The following DMRT1 variants were observed in gnomAD, a reference collection of about 807,000 sequenced individuals.
The protein encoded by DMRT1 is doublesex- and mab-3-related transcription factor 1.
Under a neutral mutation model 32.3 loss-of-function variants are expected in DMRT1, and 7 were observed. The ratio of observed to expected loss-of-function variants is 0.22; its 90% CI spans 0.12 to 0.41. The LOEUF (loss-of-function observed/expected upper bound fraction) is 0.41, where lower values mean the gene tolerates loss of function less well. DMRT1 is among the 10% of genes least tolerant of loss of function. The pLI, the probability that DMRT1 is intolerant of heterozygous loss-of-function variation, is 1.00. For synonymous variants in DMRT1, 278 were observed against 206.1 expected, an observed-to-expected ratio of 1.35 and a Z score of -2.99; for missense variants, 625 against 500.5, an observed-to-expected ratio of 1.25 and a Z score of -2.37.
intron 1 of DMRT1, among the ~76,000 whole-genome samples, chr9:846,150 G>C (rs1838894688): frequency 6.6e-6 from 1 of 150,886 alleles, no homozygotes; most frequent in Non-Finnish European, 1.5e-5. Flanking sequence ...CCCTGCCTCA[G>C]CCTCCCGAGT....
At chr9:879,348 G>A (rs886917315) in intron 2 of DMRT1, among the ~76,000 whole-genome samples, 10 of 151,966 alleles carry the variant, frequency 6.6e-5, no homozygotes, top group African/African-American at 9.7e-5. Context: ...CTTAGCATAC[G>A]TAACATACTT....
chr9:930,632 T>C (rs1321807868), intron 4 of DMRT1, among the ~76,000 whole-genome samples: 1 of 151,982 alleles, frequency 6.6e-6, no homozygotes, highest in Non-Finnish European at 1.5e-5. Context: ...ATGGTCTCGA[T>C]CTCCTGACCT....
intron 3 of DMRT1, among the ~76,000 whole-genome samples, chr9:899,512 A>C (rs1438878616): frequency 6.6e-6 from 1 of 152,160 alleles, no homozygotes; most frequent in Non-Finnish European, 1.5e-5. Context: ...GCTGCTTTTA[A>C]TTGCTTCTGG....
intron 2 of DMRT1, among the ~76,000 whole-genome samples, chr9:880,578 T>A (rs1002925920): frequency 2.6e-5 from 4 of 151,538 alleles, no homozygotes; most frequent in African/African-American, 7.3e-5. Flanking sequence ...AATACAAAAT[T>A]GCCTGGGCAT....
intron 2 of DMRT1, among the ~76,000 whole-genome samples, chr9:859,843 G>A (rs1815575448): frequency 1.4e-5 from 2 of 146,098 alleles, no homozygotes; most frequent in African/African-American, 5.3e-5. Flanking sequence ...AGTAATAGCA[G>A]ATTTTCTGAT....
intron 2 of DMRT1, among the ~76,000 whole-genome samples, chr9:855,058 T>C (rs1005720049): frequency 1.3e-5 from 2 of 151,714 alleles, no homozygotes; most frequent in Non-Finnish European, 2.9e-5. Flanking sequence ...TGAGCCACCA[T>C]GCCCGGCCAG....
At chr9:948,077 A>T (rs1294373110) in intron 4 of DMRT1, among the ~76,000 whole-genome samples, 1 of 152,114 alleles carries the variant, frequency 6.6e-6, no homozygotes, top group Non-Finnish European at 1.5e-5. Flanking sequence ...GGAATTGGGT[A>T]ATTACTTATC....
At chr9:926,601 C>G (rs940583924) in intron 4 of DMRT1, among the ~76,000 whole-genome samples, 1 of 151,954 alleles carries the variant, frequency 6.6e-6, no homozygotes, top group Non-Finnish European at 1.5e-5. Flanking sequence ...TTAATTTATT[C>G]TGTAAAAGCT....
chr9:892,443 CA>C (rs1344752478), intron 2 of DMRT1, among the ~76,000 whole-genome samples: 2 of 152,140 alleles, frequency 1.3e-5, no homozygotes, highest in East Asian at 3.9e-4. Context: ...CTGCTCTACA[CA>C]CCCAGGCTCC....
At chr9:900,491 A>G (rs1198701610) in intron 3 of DMRT1, among the ~76,000 whole-genome samples, 2 of 152,086 alleles carry the variant, frequency 1.3e-5, no homozygotes, top group Non-Finnish European at 2.9e-5. Flanking sequence ...GGGTGGCCAG[A>G]GCACTCTCTG....
At chr9:967,422 ACTGT>A (rs568346405) in intron 4 of DMRT1, among the ~76,000 whole-genome samples, 14 of 152,100 alleles carry the variant, frequency 9.2e-5, no homozygotes, top group Non-Finnish European at 2.1e-4. Context: ...TCTCCCATTT[ACTGT>A]CTTTTACTTT....
rs1179734708 is a variant in DMRT1 at position 842,005 on chromosome 9, C to A, written c.167C>A (p.Ser56Tyr). ...GGGGGCAGCAGCAGAGGAGGCGGCT[C>A]CGGCTCCGGGGCGTCGGACCTGGGT... ...SAGGSSRGGG[S>Y]GSGASDLGAG... The change falls in exon 1 of 5, where the codon TCC (serine) becomes TAC (tyrosine). Residue 56 changes from serine to tyrosine, a missense_variant. Transcript: ENST00000382276. 2.6e-6 allele frequency: 4 copies of A among 1,557,904 alleles called. No homozygotes were observed. Among genetic ancestry groups the A allele is most frequent in the Non-Finnish European group, 2.6e-6 (3 of 1,153,264 alleles).
intron 4 of DMRT1, among the ~76,000 whole-genome samples, chr9:948,696 A>G (rs1238064261): frequency 1.3e-5 from 2 of 152,062 alleles, no homozygotes; most frequent in African/African-American, 4.8e-5. Flanking sequence ...GGCAGCAAAC[A>G]GTTGAGTGGC....
chr9:869,602 C>T (rs1014801733), intron 2 of DMRT1, among the ~76,000 whole-genome samples: 8 of 152,140 alleles, frequency 5.3e-5, no homozygotes, highest in African/African-American at 1.9e-4. Context: ...ATCTCGGTTA[C>T]TTGTAAGGCT....
intron 3 of DMRT1, 56 bp from the exon 4 acceptor site, chr9:916,707 A>G (rs1818194801): frequency 1.3e-6 from 2 of 1,572,750 alleles, no homozygotes; most frequent in Non-Finnish European, 1.8e-6. Flanking sequence ...TAATTATTGT[A>G]CTAGTTGTGA....
intron 2 of DMRT1, among the ~76,000 whole-genome samples, chr9:891,429 C>A (rs1035813401): frequency 6.8e-6 from 1 of 147,828 alleles, no homozygotes; most frequent in Admixed American, 7.0e-5. Context: ...CCAGCCTGGG[C>A]GACAGAGTGA....
rs528309481 is a variant in DMRT1, at chr9:852,207, G to T, written c.538+5064G>T. On this transcript the variant is annotated intron_variant, in intron 2 of 4. Coordinates refer to ENST00000382276, the MANE Select transcript of DMRT1 (RefSeq NM_021951.3). ...CTGCCTCGGCCTCCCAAAGTGCTGGGATTACAGGTGTGAGCTACCGTGCCT... is the reference window on the plus strand; with the variant it reads ...CTGCCTCGGCCTCCCAAAGTGCTGGTATTACAGGTGTGAGCTACCGTGCCT... 4.6e-5 allele frequency among the ~76,000 whole-genome samples: 7 copies of T among 151,828 alleles called. No individual in the cohort carries two copies. In the South Asian group the frequency reaches 6.2e-4, roughly 14 times the overall value.
At chr9:845,753 C>T (rs1319975208) in intron 1 of DMRT1, among the ~76,000 whole-genome samples, 1 of 145,054 alleles carries the variant, frequency 6.9e-6, no homozygotes, top group Non-Finnish European at 1.5e-5. Flanking sequence ...CAGGGCTCTG[C>T]AGGCTTTCCT....
intron 4 of DMRT1, among the ~76,000 whole-genome samples, chr9:956,263 T>C (rs762765875): frequency 6.6e-6 from 1 of 151,554 alleles, no homozygotes; most frequent in African/African-American, 2.4e-5. Context: ...TTGCCAGGAG[T>C]TGAGGGGAGA....
Sources: allele counts gnomAD v4.1 joint callset (sites outside exome capture counted in the v4.1 genomes callset), GRCh38; gene constraint gnomAD v4.1.1; transcripts MANE v1.5; gene names NCBI Gene and HGNC (gene_info 2026-07-23, HGNC 2026-07-21).